Variants in PCDHGA3 observed in about 807,000 individuals in gnomAD.
PCDHGA3 encodes protocadherin gamma subfamily A, 3.
Under a neutral mutation model 58.5 loss-of-function variants are expected in PCDHGA3, and 40 were observed. The ratio of observed to expected loss-of-function variants is 0.68; its 90% CI spans 0.53 to 0.89. The LOEUF is 0.89. Ranked by LOEUF, PCDHGA3 falls within the 40% of genes least tolerant of loss-of-function variation. PCDHGA3 has a pLI of 0.00. For missense variants in PCDHGA3, 1,223 were observed against 1,195.9 expected, an observed-to-expected ratio of 1.02 and a Z score of -0.33; for synonymous variants, 530 against 525.7, an observed-to-expected ratio of 1.01 and a Z score of -0.11.
chr5:141,477,344 A>C lies in PCDHGA3; in HGVS notation c.2425-17463A>C. On this transcript the variant is annotated intron_variant, in intron 1 of 3. Coordinates refer to ENST00000253812, the MANE Select transcript of PCDHGA3 (RefSeq NM_018916.4). The surrounding 1 kb of genome is among the most constrained non-coding windows in gnomAD (Gnocchi z 4.9). Reference sequence around the variant, plus strand: ...TTCCCTCAAGAATTACTTCACTTTGAAAACCAGTGCAGACCTGGATCGGGA... The same window carrying C: ...TTCCCTCAAGAATTACTTCACTTTGCAAACCAGTGCAGACCTGGATCGGGA... 6.2e-7 allele frequency: 1 copy of C among 1,614,154 alleles called. No homozygotes were observed. The highest frequency in any genetic ancestry group is 8.5e-7 in the Non-Finnish European group (1 of 1,180,034).
rs750310317 is a variant in PCDHGA3 at position 141,385,220 on chromosome 5, A to G, written c.2424+38763A>G. 8 of 1,614,172 alleles carry G rather than the reference A, an allele frequency of 5.0e-6. No homozygotes were observed. The South Asian group carries it at 7.7e-5, about 16-fold the overall frequency. ...AGTCACCTGATCTTCCCCCAGCCCA[A>G]CTATGTAGACATGCTCATCAGCCAG... On this transcript the variant is annotated intron_variant, in intron 1 of 3. Transcript: ENST00000253812.
chr5:141,454,281 A>C (rs1048947689), intron 1 of PCDHGA3, among the ~76,000 whole-genome samples: 2 of 152,242 alleles, frequency 1.3e-5, no homozygotes, highest in African/African-American at 4.8e-5. Context: ...AAAACTTCAC[A>C]TTAAAGGAAC....
intron 1 of PCDHGA3, chr5:141,383,106 A>T (rs760790560): frequency 6.2e-7 from 1 of 1,613,828 alleles, no homozygotes; most frequent in Non-Finnish European, 8.5e-7. Context: ...TCATCTCCAG[A>T]GGTAGGACGC....
At chr5:141,418,811 A>C in intron 1 of PCDHGA3, 1 of 1,613,916 alleles carries the variant, frequency 6.2e-7, no homozygotes. Context: ...ATATACGATA[A>C]ACATAGAAGC....
chr5:141,387,765 T>C, intron 1 of PCDHGA3: 1 of 1,431,622 alleles, frequency 7.0e-7, no homozygotes, highest in East Asian at 2.5e-5. Flanking sequence ...AAAAGAAGAA[T>C]TTTTTCTTGA....
Position 141,477,626 on chromosome 5 carries a change from G to C in PCDHGA3, c.2425-17181G>C. The C allele has an allele frequency of 1.2e-6, 2 of 1,614,170 alleles. No homozygotes were observed. Among genetic ancestry groups the C allele is most frequent in the Non-Finnish European group, 1.7e-6 (2 of 1,180,036 alleles). ...TCTCTTGGAGCAAGGAGCTGAAACCGGGCTAGTGGGTCGCTATTTCACAAT... is the reference window on the plus strand; with the variant it reads ...TCTCTTGGAGCAAGGAGCTGAAACCCGGCTAGTGGGTCGCTATTTCACAAT... On this transcript the variant is annotated intron_variant, in intron 1 of 3. Transcript: ENST00000253812. The surrounding 1 kb of genome is among the most constrained non-coding windows in gnomAD (Gnocchi z 4.9).
rs536313993 is a variant in PCDHGA3, at chr5:141,436,142, T to G, written c.2425-58665T>G. Among the ~76,000 whole-genome samples, 46 of 152,334 alleles carry G rather than the reference T, an allele frequency of 3.0e-4. No homozygotes were observed. The South Asian group carries it at 3.1e-3, about 10-fold the overall frequency. ...CTCTCCTCCATCATCTTGTATGAAC[T>G]ACCAAAATGTTTATCATATGGACAG... On this transcript the variant is annotated intron_variant, in intron 1 of 3. Coordinates refer to ENST00000253812, the MANE Select transcript of PCDHGA3 (RefSeq NM_018916.4).
At chr5:141,352,127 C>T (rs953232371) in intron 1 of PCDHGA3, 2 of 1,610,004 alleles carry the variant, frequency 1.2e-6, no homozygotes, top group African/African-American at 1.3e-5. Context: ...GGGTGAGGTG[C>T]GCACAGCGCG....
At chr5:141,404,396 A>C (rs2094523935) in intron 1 of PCDHGA3, 2 of 1,613,816 alleles carry the variant, frequency 1.2e-6, no homozygotes, top group Non-Finnish European at 1.7e-6. Context: ...CCCTGATAGC[A>C]ATGAGAATTC....
chr5:141,348,302 A>G (rs918390681), intron 1 of PCDHGA3, among the ~76,000 whole-genome samples: 1 of 152,220 alleles, frequency 6.6e-6, no homozygotes, highest in African/African-American at 2.4e-5. Context: ...TCACTGAAAC[A>G]TGGAAATACA....
intron 1 of PCDHGA3, among the ~76,000 whole-genome samples, chr5:141,473,090 T>C (rs1426311051): frequency 3.9e-5 from 6 of 152,064 alleles, no homozygotes; most frequent in African/African-American, 1.4e-4. Context: ...TTATCCACTG[T>C]GAGTTGTATT....
chr5:141,489,091 T>C lies in PCDHGA3; in HGVS notation c.2425-5716T>C. 1 of 333,052 alleles carries C rather than the reference T, an allele frequency of 3.0e-6. No individual in the cohort carries two copies. The highest frequency in any genetic ancestry group is 5.5e-6 in the Non-Finnish European group (1 of 181,380). 20.6% of individuals were successfully genotyped at this position (333,052 alleles called of 1,614,324 possible). On this transcript the variant is annotated intron_variant, in intron 1 of 3. Coordinates refer to ENST00000253812, the MANE Select transcript of PCDHGA3 (RefSeq NM_018916.4). This position sits in a 1 kb window ranked among gnomAD's most constrained non-coding sequence, Gnocchi z 4.5. ...CTGCCCACCCCCGCCACTCGGTGAC[T>C]AAGAACTGCTGCAAGCAGGCAAACC...
intron 1 of PCDHGA3, chr5:141,376,390 T>C (rs776058989): frequency 1.0e-4 from 166 of 1,614,188 alleles, no homozygotes; most frequent in Middle Eastern, 1.6e-4. Flanking sequence ...GTCATCTGAT[T>C]TTCCCCCAGC....
chr5:141,410,087 G>A (rs1427716409), intron 1 of PCDHGA3: 1 of 1,612,482 alleles, frequency 6.2e-7, no homozygotes, highest in African/African-American at 1.3e-5. Flanking sequence ...GGTGCGCACG[G>A]CTCGAGCCTT....
At chr5:141,472,980 C>CAAAAAAAAAA (rs60579131) in intron 1 of PCDHGA3, among the ~76,000 whole-genome samples, 34 of 85,838 alleles carry the variant, frequency 4.0e-4, no homozygotes, top group South Asian at 1.3e-3. Context: ...GAGTGAAACT[C>CAAAAAAAAAA]AAAAAAAAAA....
chr5:141,487,643 C>T lies in PCDHGA3; in HGVS notation c.2425-7164C>T. 1.2e-6 allele frequency: 2 copies of T among 1,614,104 alleles called. No homozygotes were observed. The highest frequency in any genetic ancestry group is 1.7e-6 in the Non-Finnish European group (2 of 1,179,986). Reference sequence around the variant, plus strand: ...GAGACCTTTGCAGGCTCAACAAATGCTTGAGGGTTATTCTGATCCAGGCAT... The same window carrying T: ...GAGACCTTTGCAGGCTCAACAAATGTTTGAGGGTTATTCTGATCCAGGCAT... On this transcript the variant is annotated intron_variant, in intron 1 of 3. Transcript: ENST00000253812. The surrounding 1 kb of genome is among the most constrained non-coding windows in gnomAD (Gnocchi z 5.0).
chr5:141,390,522 G>A, intron 1 of PCDHGA3: 1 of 557,096 alleles, frequency 1.8e-6, no homozygotes, highest in Non-Finnish European at 3.1e-6. Flanking sequence ...AAGCAATGAG[G>A]GTGTGGTTTT....
chr5:141,399,321 T>C (rs1356696829), intron 1 of PCDHGA3: 2 of 1,613,978 alleles, frequency 1.2e-6, no homozygotes, highest in Admixed American at 1.7e-5. Context: ...AAAATTCGTA[T>C]AAGTTGGTAA....
In PCDHGA3 at chr5:141,485,049, G is replaced by C. The variant is rs1271101804; in HGVS notation, c.2425-9758G>C. On this transcript the variant is annotated intron_variant, in intron 1 of 3. Coordinates refer to ENST00000253812, the MANE Select transcript of PCDHGA3 (RefSeq NM_018916.4). The surrounding 1 kb of genome is among the most constrained non-coding windows in gnomAD (Gnocchi z 5.7). ...AACGGCGCGTAACCCTTGCGGCGCC[G>C]GCCGAACCGCGCCAGAGCTGGCGCG... 1 of 780,438 alleles carries C rather than the reference G, an allele frequency of 1.3e-6. No homozygotes were observed. The highest frequency in any genetic ancestry group is 2.1e-6 in the Non-Finnish European group (1 of 469,234). The allele number at this position is 780,438 out of a possible 1,614,324, so 48.3% of individuals were successfully genotyped here. A position where few individuals can be genotyped will look rare whatever the true frequency, so the allele number is the denominator to read the frequency against.
Sources: allele counts gnomAD v4.1 joint callset (sites outside exome capture counted in the v4.1 genomes callset), GRCh38; gene constraint gnomAD v4.1.1; non-coding constraint Gnocchi (gnomAD v3.1); transcripts MANE v1.5; gene names NCBI Gene and HGNC (gene_info 2026-07-23, HGNC 2026-07-21).